Variants in TDRD9 observed in about 807,000 individuals in gnomAD.
TDRD9 encodes ATP-dependent RNA helicase TDRD9.
A neutral mutation model predicts 172.6 loss-of-function variants in TDRD9; 124 were observed. That is an observed-to-expected ratio of 0.72 (90% CI 0.62 to 0.83). The LOEUF is 0.83. TDRD9 is among the 40% of genes least tolerant of loss of function. TDRD9 has a pLI of 0.00. For missense variants in TDRD9, 1,479 were observed against 1,714.1 expected (o/e 0.86, Z 2.42); for synonymous variants, 619 against 617.1 (o/e 1.00, Z -0.05).
At chr14:103,989,209 G>T (rs542659774) in intron 8 of TDRD9, among the ~76,000 whole-genome samples, 1 of 152,264 alleles carries the variant, frequency 6.6e-6, no homozygotes, top group African/African-American at 2.4e-5. Context: ...TGTTTCTTCT[G>T]AGAATTCAGC....
chr14:103,996,082 C>T (rs1241814054), intron 12 of TDRD9, among the ~76,000 whole-genome samples: 2 of 152,114 alleles, frequency 1.3e-5, no homozygotes, highest in Non-Finnish European at 2.9e-5. Context: ...TCGGGGCTGC[C>T]AGGTGGAGTT....
chr14:104,040,066 A>T, intron 32 of TDRD9, 130 bp from the exon 33 acceptor site: 1 of 745,732 alleles, frequency 1.3e-6, no homozygotes, highest in Non-Finnish European at 1.9e-6. Flanking sequence ...AGAAAAATGC[A>T]CAAGTGAAAT....
intron 9 of TDRD9, 23 bp from the exon 10 acceptor site, chr14:103,994,309 T>G: frequency 6.2e-7 from 1 of 1,606,090 alleles, no homozygotes; most frequent in Non-Finnish European, 8.5e-7. Flanking sequence ...TTTATTTCCC[T>G]CCTCCACTTT....
intron 32 of TDRD9, 37 bp from the exon 33 acceptor site, chr14:104,040,159 C>A: frequency 7.3e-7 from 1 of 1,377,924 alleles, no homozygotes; most frequent in South Asian, 1.9e-5. Flanking sequence ...TTTAACAATT[C>A]TGAAATAATG....
intron 11 of TDRD9, among the ~76,000 whole-genome samples, chr14:103,994,980 A>T (rs950002505): frequency 1.3e-5 from 2 of 150,654 alleles, no homozygotes; most frequent in Non-Finnish European, 3.0e-5. Context: ...AAAAAATCAC[A>T]TTTCAGCAGT....
chr14:104,049,548 A>T, intron 34 of TDRD9, 60 bp from the exon 35 acceptor site: 1 of 1,350,086 alleles, frequency 7.4e-7, no homozygotes, highest in Non-Finnish European at 1.0e-6. Context: ...TAAAAAAATC[A>T]CAGCAGTGTT....
At chr14:104,030,222 G>A (rs529953086) in intron 28 of TDRD9, among the ~76,000 whole-genome samples, 5 of 152,366 alleles carry the variant, frequency 3.3e-5, no homozygotes, top group African/African-American at 9.6e-5. Flanking sequence ...ACCAGGTGCA[G>A]TGGCTCACAT....
intron 30 of TDRD9, among the ~76,000 whole-genome samples, chr14:104,032,460 C>T (rs1026197175): frequency 6.6e-6 from 1 of 152,192 alleles, no homozygotes; most frequent in Non-Finnish European, 1.5e-5. Context: ...CTGCCTCGGC[C>T]TCCCAAAGTG....
chr14:104,010,924 T>G (rs2034594211), intron 20 of TDRD9, among the ~76,000 whole-genome samples: 1 of 152,246 alleles, frequency 6.6e-6, no homozygotes, highest in Admixed American at 6.5e-5. Flanking sequence ...CAACCCCATG[T>G]TGTTCAGGGG....
chr14:103,956,771 A>G (rs951147367), intron 2 of TDRD9, among the ~76,000 whole-genome samples: 25 of 152,212 alleles, frequency 1.6e-4, no homozygotes, highest in African/African-American at 4.8e-4. Context: ...CAAGAGTACA[A>G]CTGTTCAGAG....
At chr14:103,975,579 T>C (rs1335321834) in intron 7 of TDRD9, 26 bp downstream of exon 7, 1 of 1,571,872 alleles carries the variant, frequency 6.4e-7, no homozygotes, top group African/African-American at 1.3e-5. Flanking sequence ...CTGTTTCTTT[T>C]ATAGTGAGCG....
chr14:104,018,278 G>A, intron 23 of TDRD9, 86 bp downstream of exon 23: 1 of 886,144 alleles, frequency 1.1e-6, no homozygotes, highest in South Asian at 1.6e-5. Context: ...AAAACGGAGT[G>A]CCCATGGAAA....
chr14:103,987,075 C>T (rs1283441591), intron 8 of TDRD9, among the ~76,000 whole-genome samples: 1 of 151,944 alleles, frequency 6.6e-6, no homozygotes, highest in East Asian at 1.9e-4. Flanking sequence ...GATCGTGCCA[C>T]TGCACTCCAG....
chr14:103,986,457 A>T, intron 8 of TDRD9, 137 bp downstream of exon 8: 1 of 638,852 alleles, frequency 1.6e-6, no homozygotes, highest in Non-Finnish European at 2.6e-6. Flanking sequence ...TATATTTTAA[A>T]ATCAGGTTAG....
At chr14:104,042,841 C>A (rs1446915686) in intron 34 of TDRD9, among the ~76,000 whole-genome samples, 1 of 152,134 alleles carries the variant, frequency 6.6e-6, no homozygotes, top group Non-Finnish European at 1.5e-5. Context: ...ACCTGGACCT[C>A]TGTGAAAGCA....
At position 103,998,614 on chromosome 14, in the gene TDRD9, T is replaced by A. The variant is rs767979001; in HGVS notation, c.1379-10T>A. On this transcript the variant is annotated splice_polypyrimidine_tract_variant and intron_variant, in intron 12 of 35. Coordinates refer to ENST00000409874, the MANE Select transcript of TDRD9 (RefSeq NM_153046.3). ...GCATGGTGTTTACAGTCCTTTTTTT[T>A]AAATGGCAGTTATAGATTTTTGTTT... 4.5e-5 allele frequency: 67 copies of A among 1,476,686 alleles called. No individual in the cohort carries two copies. The highest frequency in any genetic ancestry group is 1.7e-4 in the Middle Eastern group (1 of 5,760). The allele number at this position is 1,476,686 out of a possible 1,614,324, so 91.5% of individuals were successfully genotyped here.
intron 1 of TDRD9, among the ~76,000 whole-genome samples, chr14:103,954,796 T>G (rs1191670944): frequency 6.6e-6 from 1 of 151,882 alleles, no homozygotes; most frequent in African/African-American, 2.4e-5. Flanking sequence ...ACCCAGTTAA[T>G]TTTTGTATTT....
rs889426753 is a variant in TDRD9 at position 103,997,255 on chromosome 14, A to G, written c.1379-1369A>G. 1.3e-5 allele frequency among the ~76,000 whole-genome samples: 2 copies of G among 152,200 alleles called. No homozygotes were observed. Among genetic ancestry groups the G allele is most frequent in the African/African-American group, 2.4e-5 (1 of 41,452 alleles). ...GGGTGTCACAAGAATCTAGGCGACA[A>G]TGGGTGGTGCTTAGAAAAGGACAGC... On this transcript the variant is annotated intron_variant, in intron 12 of 35. Coordinates refer to ENST00000409874, the MANE Select transcript of TDRD9 (RefSeq NM_153046.3). The surrounding 1 kb of genome is among the most constrained non-coding windows in gnomAD (Gnocchi z 5.1).
chr14:104,047,077 A>T (rs1156633737), intron 34 of TDRD9, among the ~76,000 whole-genome samples: 1 of 152,176 alleles, frequency 6.6e-6, no homozygotes, highest in Non-Finnish European at 1.5e-5. Flanking sequence ...CCTGTGAGTC[A>T]GTTTGGGGAG....
Sources: gnomAD v4.1 joint callset for allele counts (sites outside exome capture counted in the v4.1 genomes callset) on GRCh38, gnomAD v4.1.1 for gene constraint, Gnocchi (gnomAD v3.1) non-coding constraint, MANE v1.5 for transcripts, NCBI Gene and HGNC (gene_info 2026-07-23, HGNC 2026-07-21) for gene names.